Variants in ZBTB20 observed in about 807,000 individuals in gnomAD.
ZBTB20 encodes the protein zinc finger and BTB domain-containing protein 20.
A neutral mutation model predicts 56.9 loss-of-function variants in ZBTB20; 9 were observed. That is an observed-to-expected ratio of 0.16 (90% CI 0.10 to 0.28). The LOEUF is 0.28. ZBTB20 is among the 10% of genes least tolerant of loss of function. ZBTB20 has a pLI of 1.00. For synonymous variants in ZBTB20, 417 were observed against 420.7 expected, an observed-to-expected ratio of 0.99 and a Z score of 0.11; for missense variants, 655 against 1,003.0, an observed-to-expected ratio of 0.65 and a Z score of 4.69.
intron 4 of ZBTB20, among the ~76,000 whole-genome samples, chr3:114,847,515 T>G (rs1444359725): frequency 6.6e-6 from 1 of 152,156 alleles, no homozygotes; most frequent in African/African-American, 2.4e-5. Flanking sequence ...CTGTGAAACA[T>G]ATGAAATTCC....
intron 2 of ZBTB20, among the ~76,000 whole-genome samples, chr3:115,052,387 T>C (rs927829834): frequency 6.6e-6 from 1 of 151,786 alleles, no homozygotes; most frequent in African/African-American, 2.4e-5. Context: ...AACCAGGTAG[T>C]TGGAGGTTGC....
chr3:114,866,181 TC>T (rs2075755780), intron 4 of ZBTB20, among the ~76,000 whole-genome samples: 1 of 152,234 alleles, frequency 6.6e-6, no homozygotes, highest in Admixed American at 6.5e-5. Context: ...TAAGCTATGT[TC>T]CAGTTATCGA....
intron 1 of ZBTB20, among the ~76,000 whole-genome samples, chr3:115,128,663 CA>C (rs1400814644): frequency 1.7e-4 from 18 of 107,692 alleles, no homozygotes; most frequent in East Asian, 3.1e-4. Context: ...GATTCTGACT[CA>C]AAAAAAAAAG....
At chr3:114,620,503 G>T (rs2058250434) in intron 6 of ZBTB20, among the ~76,000 whole-genome samples, 1 of 152,094 alleles carries the variant, frequency 6.6e-6, no homozygotes, top group Non-Finnish European at 1.5e-5. Context: ...TGTTTATCAG[G>T]CTGGTCTCGA....
At chr3:115,129,788 T>A (rs1198594063) in intron 1 of ZBTB20, among the ~76,000 whole-genome samples, 2 of 152,234 alleles carry the variant, frequency 1.3e-5, no homozygotes, top group African/African-American at 4.8e-5. Flanking sequence ...AGTACCTGAA[T>A]AAAATCTCCC....
chr3:114,385,087 T>C (rs941493607), intron 8 of ZBTB20, among the ~76,000 whole-genome samples: 2 of 152,170 alleles, frequency 1.3e-5, no homozygotes, highest in Admixed American at 1.3e-4. Context: ...ATGTGCCTTT[T>C]ACTTATCAGC....
At chr3:114,354,827 G>A (rs1387627951) in intron 10 of ZBTB20, among the ~76,000 whole-genome samples, 5 of 152,034 alleles carry the variant, frequency 3.3e-5, no homozygotes, top group African/African-American at 9.7e-5. Context: ...TGATCTGCCC[G>A]CCTCGGCCTC....
intron 5 of ZBTB20, among the ~76,000 whole-genome samples, chr3:114,714,362 C>T (rs910891825): frequency 3.3e-5 from 5 of 152,148 alleles, no homozygotes; most frequent in Non-Finnish European, 7.3e-5. Context: ...GCTTTGGTTA[C>T]GTAGGTAAGC....
intron 2 of ZBTB20, among the ~76,000 whole-genome samples, chr3:114,986,244 T>C (rs1433109536): frequency 6.6e-6 from 1 of 152,060 alleles, no homozygotes; most frequent in Non-Finnish European, 1.5e-5. Flanking sequence ...TGCAATCCAT[T>C]TGAGGGTGTT....
chr3:114,642,135 G>T (rs545234482), intron 6 of ZBTB20, among the ~76,000 whole-genome samples: 17 of 152,088 alleles, frequency 1.1e-4, no homozygotes, highest in African/African-American at 3.6e-4. Context: ...TACTTGCAAA[G>T]GTGGTAGGGT....
chr3:114,739,280 C>T (rs2066406360), intron 5 of ZBTB20, among the ~76,000 whole-genome samples: 1 of 152,166 alleles, frequency 6.6e-6, no homozygotes. Context: ...AGTCTTAAGG[C>T]AAAACCTTTC....
At chr3:114,850,718 G>T (rs1473927298) in intron 4 of ZBTB20, among the ~76,000 whole-genome samples, 1 of 152,168 alleles carries the variant, frequency 6.6e-6, no homozygotes, top group Non-Finnish European at 1.5e-5. Flanking sequence ...CACTCTTTCT[G>T]AAGCTTGTGT....
intron 6 of ZBTB20, among the ~76,000 whole-genome samples, chr3:114,674,236 C>G (rs1379330661): frequency 6.6e-6 from 1 of 152,156 alleles, no homozygotes; most frequent in Non-Finnish European, 1.5e-5. Flanking sequence ...AATGGGCAAG[C>G]TCCAGATGCT....
chr3:114,922,423 T>A (rs1285553663), intron 3 of ZBTB20, among the ~76,000 whole-genome samples: 1 of 151,714 alleles, frequency 6.6e-6, no homozygotes. Flanking sequence ...CCCTGAAGAC[T>A]GCAGCAAAAA....
At chr3:114,582,399 T>C (rs1203258528) in intron 6 of ZBTB20, 2 of 152,102 alleles carry the variant, frequency 1.3e-5, no homozygotes, top group Non-Finnish European at 2.9e-5. Context: ...TTTTTTTTTT[T>C]TTAAAGACAG....
chr3:115,118,007 T>G (rs1183112237), intron 1 of ZBTB20, among the ~76,000 whole-genome samples: 1 of 152,210 alleles, frequency 6.6e-6, no homozygotes, highest in Non-Finnish European at 1.5e-5. Flanking sequence ...TCACTACCTG[T>G]GACCTTAAAC....
intron 7 of ZBTB20, among the ~76,000 whole-genome samples, chr3:114,493,329 G>A (rs2042938140): frequency 6.6e-6 from 1 of 152,158 alleles, no homozygotes. Flanking sequence ...AAGCTGCTAT[G>A]TACATTGGTG....
intron 5 of ZBTB20, among the ~76,000 whole-genome samples, chr3:114,732,862 A>G (rs1368172977): frequency 6.6e-6 from 1 of 152,164 alleles, no homozygotes; most frequent in Non-Finnish European, 1.5e-5. Context: ...GAATTCAATT[A>G]CACTAATTAA....
intron 6 of ZBTB20, among the ~76,000 whole-genome samples, chr3:114,567,941 T>A (rs892610008): frequency 2.6e-5 from 4 of 152,202 alleles, no homozygotes; most frequent in Non-Finnish European, 4.4e-5. Context: ...TGGGCCAGAA[T>A]GCCAAGGGTT....
Sources: allele counts gnomAD v4.1 joint callset (sites outside exome capture counted in the v4.1 genomes callset), GRCh38; gene constraint gnomAD v4.1.1; transcripts MANE v1.5; gene names NCBI Gene and HGNC (gene_info 2026-07-23, HGNC 2026-07-21).